NCAM2: variants seen among roughly 807,000 people sequenced by gnomAD.
NCAM2 encodes N-CAM-2.
A neutral mutation model predicts 98.1 loss-of-function variants in NCAM2; 30 were observed. The ratio of observed to expected loss-of-function variants is 0.31; its 90% CI spans 0.23 to 0.41. NCAM2 has a LOEUF of 0.41. Ranked by LOEUF, NCAM2 falls within the 10% of genes least tolerant of loss-of-function variation. The pLI is 1.00. For synonymous variants in NCAM2, 368 were observed against 342.4 expected (o/e 1.07, Z -0.83); for missense variants, 867 against 1,005.8 (o/e 0.86, Z 1.87).
chr21:21,528,940 C>A (rs1229045812), intron 16 of NCAM2, among the ~76,000 whole-genome samples: 1 of 152,070 alleles, frequency 6.6e-6, no homozygotes. Context: ...TACTTCAGCA[C>A]TTTATTTCTA....
chr21:21,217,617 C>T (rs1202332292), intron 1 of NCAM2, among the ~76,000 whole-genome samples: 1 of 152,068 alleles, frequency 6.6e-6, no homozygotes, highest in African/African-American at 2.4e-5. Context: ...TAGGAAGGGA[C>T]TTTGAAGGTA....
intron 5 of NCAM2, among the ~76,000 whole-genome samples, chr21:21,319,803 A>T (rs961533319): frequency 6.6e-6 from 1 of 152,202 alleles, no homozygotes; most frequent in African/African-American, 2.4e-5. Flanking sequence ...TAATTAGAAA[A>T]TGGAGAAAAG....
At chr21:21,107,521 T>C (rs1321079093) in intron 1 of NCAM2, among the ~76,000 whole-genome samples, 1 of 152,146 alleles carries the variant, frequency 6.6e-6, no homozygotes, top group Non-Finnish European at 1.5e-5. Context: ...TTTTTCCCTC[T>C]ACATATTAAC....
chr21:21,421,757 G>A (rs2077116012), intron 11 of NCAM2, among the ~76,000 whole-genome samples: 1 of 152,066 alleles, frequency 6.6e-6, no homozygotes, highest in South Asian at 2.1e-4. Flanking sequence ...CTTGTAAAAG[G>A]TCAAGATCAT....
chr21:21,341,039 T>C (rs530149864), intron 8 of NCAM2, among the ~76,000 whole-genome samples: 2 of 146,802 alleles, frequency 1.4e-5, no homozygotes, highest in Admixed American at 1.4e-4. Context: ...AAATTTACAG[T>C]ACAAATTTAC....
At chr21:21,007,824 G>A (rs1014332206) in intron 1 of NCAM2, among the ~76,000 whole-genome samples, 36 of 152,120 alleles carry the variant, frequency 2.4e-4, no homozygotes, top group African/African-American at 8.0e-4. Flanking sequence ...ATCTCATCCT[G>A]TGACTTAGAA....
chr21:21,285,129 G>A (rs2073056454), intron 3 of NCAM2, among the ~76,000 whole-genome samples: 1 of 151,758 alleles, frequency 6.6e-6, no homozygotes, highest in South Asian at 2.1e-4. Flanking sequence ...GTACCTATGT[G>A]ATATATGGAG....
chr21:21,432,157 C>G lies in NCAM2; in HGVS notation c.1530C>G (p.Thr510=), dbSNP rs955673419. The G allele has an allele frequency of 6.2e-7, 1 of 1,614,010 alleles. No homozygotes were observed. The highest frequency in any genetic ancestry group is 1.1e-5 in the South Asian group (1 of 91,082). Residue 510 remains threonine, a synonymous_variant, in exon 12 of 18, where the codon ACC becomes ACG. Transcript: ENST00000400546. ...YGVKIIELSQ[T]TAKVSFNKPD... is the part of the protein sequence containing the mutation. ...TGAAGATCATAGAGCTGTCGCAGACCACGGCCAAGGTTTCCTTCAACAAAC... is the reference window on the plus strand; with the variant it reads ...TGAAGATCATAGAGCTGTCGCAGACGACGGCCAAGGTTTCCTTCAACAAAC...
intron 10 of NCAM2, among the ~76,000 whole-genome samples, chr21:21,417,512 T>A (rs1225947290): frequency 6.6e-6 from 1 of 152,078 alleles, no homozygotes; most frequent in Non-Finnish European, 1.5e-5. Flanking sequence ...TTTTTCCCTC[T>A]TTTGGGATAG....
intron 5 of NCAM2, among the ~76,000 whole-genome samples, chr21:21,311,301 G>T (rs1429557339): frequency 1.3e-5 from 2 of 149,762 alleles, no homozygotes; most frequent in Admixed American, 6.6e-5. Flanking sequence ...TAACAAAAAT[G>T]ACTTTATGCA....
chr21:21,426,801 A>G (rs1252975650), intron 11 of NCAM2, among the ~76,000 whole-genome samples: 3 of 152,170 alleles, frequency 2.0e-5, no homozygotes, highest in Non-Finnish European at 4.4e-5. Flanking sequence ...CTTTCATTCT[A>G]GGTTCACTAC....
intron 5 of NCAM2, among the ~76,000 whole-genome samples, chr21:21,320,864 C>T (rs2074357371): frequency 6.6e-6 from 1 of 152,272 alleles, no homozygotes; most frequent in East Asian, 1.9e-4. Flanking sequence ...TAATTTCTTA[C>T]TATCCATGAG....
At chr21:21,479,775 CT>C (rs34148645) in intron 15 of NCAM2, among the ~76,000 whole-genome samples, 83,874 of 150,466 alleles carry the variant, frequency 0.56, 24,844 homozygotes, top group African/African-American at 0.7. Context: ...GTCCTGAGAG[CT>C]TTGTAGGCAA....
intron 1 of NCAM2, among the ~76,000 whole-genome samples, chr21:21,007,455 A>C (rs900424415): frequency 1.3e-5 from 2 of 152,194 alleles, no homozygotes; most frequent in African/African-American, 2.4e-5. Context: ...TAGGCAGAGC[A>C]ACCCTGAGGT....
intron 5 of NCAM2, among the ~76,000 whole-genome samples, chr21:21,292,556 C>T (rs571818991): frequency 7.7e-4 from 117 of 151,948 alleles, no homozygotes; most frequent in African/African-American, 2.7e-3. Context: ...CTAAATGTTA[C>T]TTTTAAATTA....
rs1342243268 is a variant in NCAM2 at position 21,539,024 on chromosome 21, G to A, written c.*1067G>A. On this transcript the variant is annotated 3_prime_UTR_variant, in exon 18 of 18. Transcript: ENST00000400546. ...AAGAAATTATTTAACATTTTAATGT[G>A]CCATAAAAGAGTAAATGATAAATAA... 9 of 152,102 alleles carry A rather than the reference G, an allele frequency of 5.9e-5. No homozygotes were observed. In the East Asian group the frequency reaches 1.7e-3, roughly 29 times the overall value. 9.4% of individuals were successfully genotyped at this position (152,102 alleles called of 1,614,324 possible). A position where few individuals can be genotyped will look rare whatever the true frequency, so the allele number is the denominator to read the frequency against.
intron 1 of NCAM2, among the ~76,000 whole-genome samples, chr21:21,019,777 C>T (rs1302347648): frequency 6.6e-6 from 1 of 152,118 alleles, no homozygotes; most frequent in Non-Finnish European, 1.5e-5. Flanking sequence ...TACCACTCTG[C>T]CACTGAATAC....
chr21:21,361,996 T>C (rs1281053937), intron 8 of NCAM2, among the ~76,000 whole-genome samples: 1 of 152,238 alleles, frequency 6.6e-6, no homozygotes, highest in African/African-American at 2.4e-5. Flanking sequence ...TAGAAATTCA[T>C]ATTTTTAGCA....
At chr21:21,339,313 A>G (rs1217602852) in intron 8 of NCAM2, among the ~76,000 whole-genome samples, 3 of 152,142 alleles carry the variant, frequency 2.0e-5, no homozygotes, top group African/African-American at 7.2e-5. Flanking sequence ...CAAACAAATT[A>G]CTGCATTGTG....
Sources: allele counts gnomAD v4.1 joint callset (sites outside exome capture counted in the v4.1 genomes callset), GRCh38; gene constraint gnomAD v4.1.1; transcripts MANE v1.5; gene names NCBI Gene and HGNC (gene_info 2026-07-23, HGNC 2026-07-21).